ZNF595: variants seen among roughly 807,000 people sequenced by gnomAD.
The protein encoded by ZNF595 is zinc finger protein 595.
A neutral mutation model predicts 19.4 loss-of-function variants in ZNF595; 9 were observed. That is an observed-to-expected ratio of 0.46 (90% CI 0.28 to 0.81). The LOEUF (loss-of-function observed/expected upper bound fraction) is 0.81. Among genes scored for constraint, ZNF595 ranks in the 30% least tolerant of loss-of-function variants. ZNF595 has a pLI of 0.11. For synonymous variants in ZNF595, 255 were observed against 255.9 expected (o/e 1.00, Z 0.03); for missense variants, 729 against 736.0 (o/e 0.99, Z 0.11).
rs1560092266 is a variant in ZNF595 at position 82,371 on chromosome 4, G to GTTTTT, written c.227-3360_227-3359insTTTTT. 5.3e-3 allele frequency among the ~76,000 whole-genome samples: 514 copies of GTTTTT among 97,634 alleles called. 45 individuals are homozygous for GTTTTT. The highest frequency in any genetic ancestry group is 0.01 in the Middle Eastern group (2 of 196). The allele number at this position is 97,634 out of a possible 152,430, so 64.1% of individuals were successfully genotyped here. A position where few individuals can be genotyped will look rare whatever the true frequency, so the allele number is the denominator to read the frequency against. Reference sequence around the variant, plus strand: ...ACAAAAGTCCATTTTTTTGGTTTGTGGTTTTTTTTTTTTTTTTTTTTTTTT... The same window carrying GTTTTT: ...ACAAAAGTCCATTTTTTTGGTTTGTGTTTTTGTTTTTTTTTTTTTTTTTTTTTTTT... On this transcript the variant is annotated intron_variant, in intron 3 of 3. Transcript: ENST00000610261.
chr4:75,142 G>A (rs1311004711), intron 3 of ZNF595, among the ~76,000 whole-genome samples: 1 of 151,830 alleles, frequency 6.6e-6, no homozygotes, highest in Non-Finnish European at 1.5e-5. Flanking sequence ...ACGTATGTGT[G>A]TCCTTAACTC....
intron 3 of ZNF595, among the ~76,000 whole-genome samples, chr4:61,436 C>G (rs1171416159): frequency 6.6e-6 from 1 of 151,888 alleles, no homozygotes; most frequent in African/African-American, 2.4e-5. Flanking sequence ...GTGCCTGGCC[C>G]GCCTTCTAGA....
intron 3 of ZNF595, among the ~76,000 whole-genome samples, chr4:75,064 T>TA (rs1713589584): frequency 6.6e-6 from 1 of 152,188 alleles, no homozygotes; most frequent in African/African-American, 2.4e-5. Context: ...TTTTGTCTGA[T>TA]ACGGCCACTG....
intron 3 of ZNF595, among the ~76,000 whole-genome samples, chr4:72,569 A>G (rs924685752): frequency 1.3e-5 from 2 of 152,218 alleles, no homozygotes; most frequent in South Asian, 2.1e-4. Flanking sequence ...GTTAAATTCT[A>G]TGGACTAGGA....
intron 3 of ZNF595, among the ~76,000 whole-genome samples, chr4:82,271 C>T (rs1425949873): frequency 1.3e-5 from 2 of 150,282 alleles, no homozygotes; most frequent in Non-Finnish European, 3.0e-5. Context: ...CTGTAGATTA[C>T]ATCGAACAGT....
chr4:85,344 A>G (rs1714087407), intron 3 of ZNF595, among the ~76,000 whole-genome samples: 1 of 152,162 alleles, frequency 6.6e-6, no homozygotes. Flanking sequence ...AGACCCCAGA[A>G]AGCCAGAAGT....
intron 3 of ZNF595, among the ~76,000 whole-genome samples, chr4:66,878 T>A (rs1017244671): frequency 1.6e-4 from 24 of 146,930 alleles, no homozygotes; most frequent in South Asian, 2.2e-4. Flanking sequence ...TGCATGTAAC[T>A]TTGTTCTTGT....
At chr4:69,781 C>G (rs1282289685) in intron 3 of ZNF595, among the ~76,000 whole-genome samples, 1 of 152,114 alleles carries the variant, frequency 6.6e-6, no homozygotes, top group Non-Finnish European at 1.5e-5. Context: ...TGATGTGATT[C>G]CATTTGTTCA....
chr4:76,713 T>G (rs1477731128), intron 3 of ZNF595, among the ~76,000 whole-genome samples: 1 of 152,158 alleles, frequency 6.6e-6, no homozygotes, highest in Non-Finnish European at 1.5e-5. Flanking sequence ...TCAGGTATAC[T>G]CTTCTTCGTT....
At position 86,536 on chromosome 4, in the gene ZNF595, A is replaced by T; in HGVS notation, c.1032A>T (p.Lys344Asn). 2 of 1,613,966 alleles carry T rather than the reference A, an allele frequency of 1.2e-6. No individual in the cohort carries two copies. Among genetic ancestry groups the T allele is most frequent in the Non-Finnish European group, 1.7e-6 (2 of 1,179,894 alleles). ...GCGAAAAACCCTACACATGTGAAAA[A>T]TGTGGCAAAGCTTTTAACCAATCCT... is the stretch of plus-strand genomic sequence containing the variant. Reference protein sequence around the residue: ...HTGEKPYTCEKCGKAFNQSSS... With the variant: ...HTGEKPYTCENCGKAFNQSSS... The change falls in exon 4 of 4, where the codon AAA (lysine) becomes AAT (asparagine). Residue 344 changes from lysine (K) to asparagine (N), a missense_variant. Physicochemically the swap from Lys to Asn is moderately conservative, Grantham distance 94 (BLOSUM62 0). This residue lies in a region of ZNF595 where 729 missense variants were observed against 675.3 expected (regional missense o/e 1.08). Transcript: ENST00000610261.
chr4:76,659 T>C (rs1324208318), intron 3 of ZNF595, among the ~76,000 whole-genome samples: 5 of 152,212 alleles, frequency 3.3e-5, no homozygotes, highest in Non-Finnish European at 5.9e-5. Context: ...TTGTTTAATC[T>C]GAGAATATCT....
chr4:63,853 G>GT (rs1313938054), intron 3 of ZNF595, among the ~76,000 whole-genome samples: 7 of 149,306 alleles, frequency 4.7e-5, no homozygotes, highest in South Asian at 4.3e-4. Context: ...GCCAAAGATA[G>GT]TTTTTTTTAG....
At chr4:81,992 C>T (rs1713926659) in intron 3 of ZNF595, among the ~76,000 whole-genome samples, 1 of 152,246 alleles carries the variant, frequency 6.6e-6, no homozygotes, top group South Asian at 2.1e-4. Flanking sequence ...AGAAATTACT[C>T]TTCATCTGAC....
intron 3 of ZNF595, among the ~76,000 whole-genome samples, chr4:66,357 G>T: frequency 6.7e-6 from 1 of 150,074 alleles, no homozygotes. Flanking sequence ...AGTTGTTCTG[G>T]ATGTTATCTT....
At chr4:82,161 G>T (rs1398814896) in intron 3 of ZNF595, among the ~76,000 whole-genome samples, 1 of 151,942 alleles carries the variant, frequency 6.6e-6, no homozygotes, top group East Asian at 1.9e-4. Context: ...TGAAGATTGT[G>T]GGGTGCTTCA....
At position 87,325 on chromosome 4, in the gene ZNF595, T is replaced by C. The variant is rs1553802087; in HGVS notation, c.1821T>C (p.Leu607=). The C allele has an allele frequency of 6.2e-7, 1 of 1,613,032 alleles. No individual in the cohort carries two copies. The highest frequency in any genetic ancestry group is 8.5e-7 in the Non-Finnish European group (1 of 1,179,678). The change falls in exon 4 of 4, where the codon CTT becomes CTC. Residue 607 remains leucine, a synonymous_variant. Coordinates refer to ENST00000610261, the MANE Select transcript of ZNF595 (RefSeq NM_182524.4). ...CGKAFNWSSS[L]TKHKIIHTGE... ...AAGCCTTCAATTGGTCCTCATCCCT[T>C]ACTAAACATAAGATAATTCATACTG...
chr4:62,017 T>G (rs1278264534), intron 3 of ZNF595, among the ~76,000 whole-genome samples: 5 of 129,626 alleles, frequency 3.9e-5, no homozygotes, highest in Middle Eastern at 4.0e-3. Flanking sequence ...TTTTTTTTTT[T>G]GTCACAAGAA....
Position 87,135 on chromosome 4 carries a change from C to T in ZNF595, c.1631C>T (p.Ala544Val), listed in dbSNP as rs782370546. ...TACAAATGTGAAGAATGTGGCAAAG[C>T]CTTTACTCGGTCCACAGCCCTGAAT... ...KLYKCEECGK[A>V]FTRSTALNEH... is the part of the protein sequence containing the mutation. The change falls in exon 4 of 4, where the codon GCC (alanine) becomes GTC (valine). Residue 544 changes from alanine to valine, a missense_variant. By Grantham distance (64) the Ala-to-Val change is moderately conservative. This residue lies in a region of ZNF595 where 729 missense variants were observed against 675.3 expected (regional missense o/e 1.08). Coordinates refer to ENST00000610261, the MANE Select transcript of ZNF595 (RefSeq NM_182524.4). 6.2e-7 allele frequency: 1 copy of T among 1,614,028 alleles called. No individual in the cohort carries two copies. Among genetic ancestry groups the T allele is most frequent in the Non-Finnish European group, 8.5e-7 (1 of 1,179,954 alleles).
chr4:78,184 A>G (rs574571000), intron 3 of ZNF595, among the ~76,000 whole-genome samples: 5 of 152,000 alleles, frequency 3.3e-5, no homozygotes, highest in East Asian at 3.9e-4. Context: ...AATTTTTTGT[A>G]TGTTTAGTAG....
Sources: allele counts gnomAD v4.1 joint callset (sites outside exome capture counted in the v4.1 genomes callset), GRCh38; gene constraint gnomAD v4.1.1; regional missense constraint gnomAD v4.1.1; transcripts MANE v1.5; gene names NCBI Gene and HGNC (gene_info 2026-07-23, HGNC 2026-07-21).